The following RGPD4 variants were observed in gnomAD, a reference collection of about 807,000 sequenced individuals.
RGPD4 encodes the protein ranBP2-like and GRIP domain-containing protein 4.
Under a neutral mutation model 141.1 loss-of-function variants are expected in RGPD4, and 84 were observed. That is an observed-to-expected ratio of 0.60 (90% CI 0.50 to 0.71). RGPD4 has a LOEUF of 0.71. RGPD4 is among the 30% of genes least tolerant of loss of function. The pLI, the probability that RGPD4 is intolerant of heterozygous loss-of-function variation, is 0.00. For synonymous variants in RGPD4, 298 were observed against 566.8 expected (o/e 0.53, Z 6.74); for missense variants, 918 against 1,622.4 (o/e 0.57, Z 7.46).
At chr2:107,870,362 T>C (rs1314174022) in intron 19 of RGPD4, among the ~76,000 whole-genome samples, 9 of 150,726 alleles carry the variant, frequency 6.0e-5, no homozygotes, top group African/African-American at 1.7e-4. Context: ...GCTTTGAGGA[T>C]AGAGTGTTGG....
intron 1 of RGPD4, among the ~76,000 whole-genome samples, chr2:107,832,654 C>A (rs1681532953): frequency 7.0e-6 from 1 of 142,062 alleles, no homozygotes; most frequent in Non-Finnish European, 1.5e-5. Context: ...ACTGGTCAGG[C>A]TGGTCTGGAA....
At chr2:107,887,491 A>G (rs1473572948) in intron 22 of RGPD4, among the ~76,000 whole-genome samples, 5 of 151,570 alleles carry the variant, frequency 3.3e-5, no homozygotes, top group Admixed American at 1.3e-4. Context: ...GTATTTGGGA[A>G]ACATTAGCTT....
intron 12 of RGPD4, among the ~76,000 whole-genome samples, chr2:107,860,479 ACT>A (rs2104461541): frequency 7.8e-6 from 1 of 129,012 alleles, no homozygotes; most frequent in East Asian, 2.2e-4. Context: ...AAAAAACTCT[ACT>A]AAAACTACAA....
At chr2:107,851,960 G>A (rs1682127083) in intron 7 of RGPD4, among the ~76,000 whole-genome samples, 1 of 151,944 alleles carries the variant, frequency 6.6e-6, no homozygotes, top group Non-Finnish European at 1.5e-5. Context: ...TGAGGAAATA[G>A]CTAGGCGTGG....
Position 107,871,048 on chromosome 2 carries a change from C to A in RGPD4, c.3044C>A (p.Ala1015Glu). Residue 1015 changes from alanine to glutamate, a missense_variant, in exon 20 of 23, where the codon GCA becomes GAA. Physicochemically the swap from Ala to Glu is moderately radical, Grantham distance 107 (BLOSUM62 -1). Transcript: ENST00000408999. ...SSQCGKMANK[A>E]NTSGDFEKDD... ...CAATGCGGTAAAATGGCCAATAAAG[C>A]AAACACTTCCGGTGACTTTGAGAAA... The A allele has an allele frequency of 6.2e-7, 1 of 1,611,084 alleles. No individual in the cohort carries two copies. The highest frequency in any genetic ancestry group is 1.1e-5 in the South Asian group (1 of 90,960).
intron 1 of RGPD4, among the ~76,000 whole-genome samples, chr2:107,830,177 TA>T (rs1247966971): frequency 7.6e-4 from 113 of 149,044 alleles, no homozygotes; most frequent in African/African-American, 1.8e-3. Context: ...TGCCTTTGCT[TA>T]AAAAAAAAAA....
rs1181115705 is a variant in RGPD4 at position 107,869,790 on chromosome 2, T to C, written c.2606-93T>C. 6 of 1,458,720 alleles carry C rather than the reference T, an allele frequency of 4.1e-6. 1 individual carries two copies. Among genetic ancestry groups the C allele is most frequent in the Non-Finnish European group, 5.5e-6 (6 of 1,093,150 alleles). The allele number at this position is 1,458,720 out of a possible 1,614,324, so 90.4% of individuals were successfully genotyped here. On this transcript the variant is annotated intron_variant, in intron 18 of 22. Coordinates refer to ENST00000408999, the MANE Select transcript of RGPD4 (RefSeq NM_182588.3). ...TGTAGTTAAATCTTTCTTTAATTTC[T>C]ATTGCTTTTGTATTTGTAGCTCTTG... is the stretch of plus-strand genomic sequence containing the variant.
Position 107,827,717 on chromosome 2 carries a change from G to T in RGPD4, c.72+632G>T, listed in dbSNP as rs187001830. On this transcript the variant is annotated intron_variant, in intron 1 of 22. Transcript: ENST00000408999. Reference sequence around the variant, plus strand: ...GGCGGCGGCGGCCTGGACCTGGCCCGGCGGCGGCCTCGATGGCTCAGGCGT... The same window carrying T: ...GGCGGCGGCGGCCTGGACCTGGCCCTGCGGCGGCCTCGATGGCTCAGGCGT... 5.4e-5 allele frequency among the ~76,000 whole-genome samples: 3 copies of T among 55,442 alleles called. 1 individual carries two copies. Among genetic ancestry groups the T allele is most frequent in the East Asian group, 2.9e-4 (1 of 3,430 alleles). 36.4% of individuals were successfully genotyped at this position (55,442 alleles called of 152,430 possible). A position where few individuals can be genotyped will look rare whatever the true frequency, so the allele number is the denominator to read the frequency against.
At position 107,869,060 on chromosome 2, in the gene RGPD4, A is replaced by G. The variant is rs1438315803; in HGVS notation, c.2606-823A>G. On this transcript the variant is annotated intron_variant, in intron 18 of 22. Coordinates refer to ENST00000408999, the MANE Select transcript of RGPD4 (RefSeq NM_182588.3). ...CTATCCTCACCTCTGTAAGGTTTCC[A>G]AAATCAAACTTGGGCTTCTGGCTAG... Among the ~76,000 whole-genome samples the G allele has an allele frequency of 2.5e-4, 15 of 59,576 alleles. 5 individuals carry two copies. The highest frequency in any genetic ancestry group is 5.4e-4 in the Non-Finnish European group (15 of 27,868). The allele number at this position is 59,576 out of a possible 152,430, so 39.1% of individuals were successfully genotyped here.
rs748362144 is a variant in RGPD4 at position 107,872,093 on chromosome 2, A to G, written c.4089A>G (p.Glu1363=). ...AAGTTGTTTTTAGTCACAGGGCAGA[A>G]CTCTACAGATATGATAAAGATGTTG... The part of the protein sequence containing the change: ...NEKVVFSHRA[E]LYRYDKDVGQ... Residue 1363 remains glutamate, a synonymous_variant, in exon 20 of 23, where the codon GAA becomes GAG. Coordinates refer to ENST00000408999, the MANE Select transcript of RGPD4 (RefSeq NM_182588.3). 7.4e-6 allele frequency: 12 copies of G among 1,611,584 alleles called. No individual in the cohort carries two copies. In the East Asian group the frequency reaches 2.7e-4, roughly 36 times the overall value.
chr2:107,884,806 A>G (rs555876147), intron 22 of RGPD4, among the ~76,000 whole-genome samples: 6,071 of 151,652 alleles, frequency 0.04, 411 homozygotes, highest in African/African-American at 0.14. Context: ...TAAAATTCCA[A>G]TTGCTGGTCC....
intron 9 of RGPD4, among the ~76,000 whole-genome samples, chr2:107,858,214 T>C (rs1394438647): frequency 6.6e-6 from 1 of 151,942 alleles, no homozygotes; most frequent in Non-Finnish European, 1.5e-5. Context: ...TTCTCAACTT[T>C]TCCACTGTTA....
At chr2:107,832,987 G>T (rs1229501132) in intron 1 of RGPD4, among the ~76,000 whole-genome samples, 1 of 149,972 alleles carries the variant, frequency 6.7e-6, no homozygotes, top group Non-Finnish European at 1.5e-5. Flanking sequence ...TCTTTTGTTT[G>T]TTCTGCCTTT....
intron 9 of RGPD4, among the ~76,000 whole-genome samples, chr2:107,858,265 C>T (rs1241654633): frequency 6.6e-6 from 1 of 151,932 alleles, no homozygotes. Flanking sequence ...AAAGTGTCTT[C>T]ATGGCAAGTT....
chr2:107,880,867 A>G (rs1328749528), intron 21 of RGPD4, among the ~76,000 whole-genome samples: 1 of 150,614 alleles, frequency 6.6e-6, no homozygotes, highest in African/African-American at 2.5e-5. Context: ...ACAGTTGAGG[A>G]TTACTCAAAT....
rs544638796 is a variant in RGPD4 at position 107,830,027 on chromosome 2, G to C, written c.72+2942G>C. 4.3e-3 allele frequency among the ~76,000 whole-genome samples: 639 copies of C among 147,276 alleles called. 3 individuals are homozygous for C. Among genetic ancestry groups the C allele is most frequent in the Non-Finnish European group, 7.3e-3 (474 of 64,804 alleles). On this transcript the variant is annotated intron_variant, in intron 1 of 22. Transcript: ENST00000408999. ...CTCAGCGCGGACATTTGCAATGGCC[G>C]GACGGCGCAAATGACACGGAAAGTC...
rs767746899 is a variant in RGPD4 at position 107,882,735 on chromosome 2, G to T, written c.5128G>T (p.Val1710Leu). ...NQEQEESAAN[V>L]EHLKNVLLQF... ...AGAGCAAGAGGAGTCTGCAGCTAACGTGGAACACTTGAAGAACGTCTTGCT... is the reference window on the plus strand; with the variant it reads ...AGAGCAAGAGGAGTCTGCAGCTAACTTGGAACACTTGAAGAACGTCTTGCT... The change falls in exon 22 of 23, where the codon GTG (valine) becomes TTG (leucine). Residue 1710 changes from valine to leucine, a missense_variant. By Grantham distance (32) the Val-to-Leu change is conservative (BLOSUM62 1). Transcript: ENST00000408999. 6.2e-7 allele frequency: 1 copy of T among 1,611,544 alleles called. No individual in the cohort carries two copies. Among genetic ancestry groups the T allele is most frequent in the Admixed American group, 1.7e-5 (1 of 59,980 alleles).
intron 9 of RGPD4, among the ~76,000 whole-genome samples, chr2:107,858,538 A>T (rs1429807142): frequency 2.3e-4 from 35 of 152,186 alleles, no homozygotes; most frequent in African/African-American, 5.8e-4. Flanking sequence ...TGCCAGGTTC[A>T]AGCAATTGTC....
chr2:107,830,328 T>G (rs1681435231), intron 1 of RGPD4, among the ~76,000 whole-genome samples: 1 of 133,986 alleles, frequency 7.5e-6, no homozygotes, highest in Non-Finnish European at 1.6e-5. Flanking sequence ...CTGATTTTTT[T>G]TTTTTAAACA....
Sources: allele counts gnomAD v4.1 joint callset (sites outside exome capture counted in the v4.1 genomes callset), GRCh38; gene constraint gnomAD v4.1.1; transcripts MANE v1.5; gene names NCBI Gene and HGNC (gene_info 2026-07-23, HGNC 2026-07-21).